CBFA2T2: variants seen among roughly 807,000 people sequenced by gnomAD.
The protein encoded by CBFA2T2 is CBFA2/RUNX1 partner transcriptional co-repressor 2.
A neutral mutation model predicts 62.2 loss-of-function variants in CBFA2T2; 11 were observed. That is an observed-to-expected ratio of 0.18 (90% CI 0.11 to 0.29). The LOEUF is 0.29. CBFA2T2 is among the 10% of genes least tolerant of loss of function. The probability of loss-of-function intolerance (pLI) is 1.00; values close to 1 mark genes in which losing one functional copy is unlikely to be tolerated. For missense variants in CBFA2T2, 592 were observed against 774.1 expected, an observed-to-expected ratio of 0.76 and a Z score of 2.79; for synonymous variants, 295 against 287.5, an observed-to-expected ratio of 1.03 and a Z score of -0.27.
Position 33,640,405 on chromosome 20 carries a change from A to C in CBFA2T2, c.1362A>C (p.Ala454=). 6.2e-7 allele frequency: 1 copy of C among 1,614,278 alleles called. No individual in the cohort carries two copies. The highest frequency in any genetic ancestry group is 8.5e-7 in the Non-Finnish European group (1 of 1,180,044). ...AAGTACAGAAGGCCGTCGCTGAGGC[A>C]GAGCAGAAAGCCTTTGAAGTGATTG... is the stretch of plus-strand genomic sequence containing the variant. ...MSEVQKAVAE[A]EQKAFEVIAT... The change falls in exon 10 of 11, where the codon GCA becomes GCC. Residue 454 remains alanine, a synonymous_variant. Transcript: ENST00000342704.
intron 1 of CBFA2T2, among the ~76,000 whole-genome samples, chr20:33,499,468 TA>T (rs2011243739): frequency 6.6e-6 from 1 of 152,236 alleles, no homozygotes; most frequent in African/African-American, 2.4e-5. Flanking sequence ...CGACATGAGC[TA>T]GTGTTTGTAC....
At chr20:33,539,833 C>T (rs148875699) in intron 1 of CBFA2T2, among the ~76,000 whole-genome samples, 11 of 151,888 alleles carry the variant, frequency 7.2e-5, no homozygotes, top group Non-Finnish European at 1.2e-4. Context: ...ACTATAGGTG[C>T]GTACCACCAT....
chr20:33,592,042 T>G (rs2014668983), intron 1 of CBFA2T2, among the ~76,000 whole-genome samples: 1 of 152,072 alleles, frequency 6.6e-6, no homozygotes, highest in South Asian at 2.1e-4. Flanking sequence ...AGTGGATTGA[T>G]AACAAGTGTT....
intron 1 of CBFA2T2, among the ~76,000 whole-genome samples, chr20:33,556,646 G>T (rs1240490832): frequency 2.6e-5 from 4 of 151,860 alleles, no homozygotes; most frequent in African/African-American, 9.7e-5. Context: ...TGTTGCCCAA[G>T]CAGATTTTGA....
intron 3 of CBFA2T2, 69 bp from the exon 4 acceptor site, chr20:33,619,448 G>T: frequency 4.6e-5 from 27 of 583,198 alleles, no homozygotes; most frequent in Non-Finnish European, 6.8e-5. Flanking sequence ...AAAAAAAAAA[G>T]AAGAGTTTGG....
chr20:33,621,965 C>T (rs980348927), intron 4 of CBFA2T2, among the ~76,000 whole-genome samples: 2 of 152,180 alleles, frequency 1.3e-5, no homozygotes, highest in African/African-American at 4.8e-5. Context: ...TTCCCCAAGA[C>T]TCTAGAATCA....
chr20:33,516,442 C>A lies in CBFA2T2; in HGVS notation c.34+26141C>A, dbSNP rs555124443. ...CTGAGAGCGTGCCACTGCACTCCAG[C>A]CTGAGCAACAGAGTGAGACTCCATC... On this transcript the variant is annotated intron_variant, in intron 1 of 10. Coordinates refer to ENST00000342704, the MANE Select transcript of CBFA2T2 (RefSeq NM_001032999.3). 6.6e-5 allele frequency among the ~76,000 whole-genome samples: 10 copies of A among 152,288 alleles called. No homozygotes were observed. In the South Asian group the frequency reaches 2.1e-3, roughly 32 times the overall value.
rs373934714 is a variant in CBFA2T2 at position 33,535,532 on chromosome 20, G to T, written c.34+45231G>T. ...TAAGAACCAGCTCAGTGGCTTAGCT[G>T]TCCTGGGGTCTGCAGGAGAAGGCTT... is the stretch of plus-strand genomic sequence containing the variant. On this transcript the variant is annotated intron_variant, in intron 1 of 10. Transcript: ENST00000342704. 2.1e-4 allele frequency among the ~76,000 whole-genome samples: 32 copies of T among 151,204 alleles called. No homozygotes were observed. In the South Asian group the frequency reaches 2.3e-3, roughly 11 times the overall value.
chr20:33,609,483 CAG>C (rs1219978147), intron 2 of CBFA2T2, among the ~76,000 whole-genome samples: 3 of 151,942 alleles, frequency 2.0e-5, no homozygotes, highest in Non-Finnish European at 2.9e-5. Context: ...GCCTGGGAAA[CAG>C]AGCAAGACTC....
chr20:33,603,913 C>T (rs1226734425), intron 1 of CBFA2T2, among the ~76,000 whole-genome samples: 17 of 152,170 alleles, frequency 1.1e-4, no homozygotes, highest in Non-Finnish European at 1.5e-5. Context: ...CCTGTGACCC[C>T]AGGCAGAGGG....
chr20:33,530,538 C>T (rs1391091374), intron 1 of CBFA2T2, among the ~76,000 whole-genome samples: 1 of 152,094 alleles, frequency 6.6e-6, no homozygotes, highest in Non-Finnish European at 1.5e-5. Flanking sequence ...CTGCTTCAGC[C>T]CCCCAGGTAG....
Position 33,644,835 on chromosome 20 carries a change from T to C in CBFA2T2, c.*189T>C. On this transcript the variant is annotated 3_prime_UTR_variant, in exon 11 of 11. Transcript: ENST00000342704. ...GTGCACTTGCTGTCTGCGGAGCCAG[T>C]GTGCCATTCTCTGCACATGGGCAGC... The C allele has an allele frequency of 1.6e-6, 1 of 637,872 alleles. No individual in the cohort carries two copies. Among genetic ancestry groups the C allele is most frequent in the Non-Finnish European group, 2.6e-6 (1 of 381,282 alleles). 39.5% of individuals were successfully genotyped at this position (637,872 alleles called of 1,614,324 possible).
chr20:33,510,978 G>T (rs936879644), intron 1 of CBFA2T2, among the ~76,000 whole-genome samples: 1 of 151,976 alleles, frequency 6.6e-6, no homozygotes, highest in Non-Finnish European at 1.5e-5. Flanking sequence ...GTTTTGATGG[G>T]GTTGTTTGTT....
intron 8 of CBFA2T2, among the ~76,000 whole-genome samples, chr20:33,634,670 CAAAAAAAAAAAA>C (rs758089440): frequency 1.9e-4 from 9 of 47,924 alleles, no homozygotes; most frequent in South Asian, 1.0e-3. Context: ...ACCCTATGTC[CAAAAAAAAAAAA>C]AAAAAAAAAA....
intron 1 of CBFA2T2, among the ~76,000 whole-genome samples, chr20:33,504,721 A>G (rs2011371847): frequency 6.6e-6 from 1 of 152,018 alleles, no homozygotes; most frequent in African/African-American, 2.4e-5. Flanking sequence ...ACTTTTTTGG[A>G]AACTGCCAAA....
chr20:33,640,994 T>A (rs2122391981), intron 10 of CBFA2T2, among the ~76,000 whole-genome samples: 1 of 151,860 alleles, frequency 6.6e-6, no homozygotes, highest in East Asian at 1.9e-4. Context: ...GGTGCTGAAG[T>A]CAGGATACAG....
At chr20:33,592,376 A>ATAT (rs2014688303) in intron 1 of CBFA2T2, among the ~76,000 whole-genome samples, 1 of 122,710 alleles carries the variant, frequency 8.1e-6, no homozygotes. Flanking sequence ...AAAAAATTTT[A>ATAT]TATATATATA....
At chr20:33,642,098 CCTTT>C (rs890350605) in intron 10 of CBFA2T2, among the ~76,000 whole-genome samples, 9 of 135,464 alleles carry the variant, frequency 6.6e-5, no homozygotes, top group African/African-American at 1.6e-4. Flanking sequence ...CTCTCCTCCT[CCTTT>C]GTCTTTTTTT....
In CBFA2T2 at chr20:33,594,229, T is replaced by C. The variant is rs1159368369; in HGVS notation, c.35-12727T>C. 3.9e-5 allele frequency among the ~76,000 whole-genome samples: 6 copies of C among 152,160 alleles called. No homozygotes were observed. In the East Asian group the frequency reaches 1.2e-3, roughly 29 times the overall value. ...AATTTACTGCTATATTTCTTTCTTT[T>C]CTTTTTTTTTGAGACGGAGTCTCAC... On this transcript the variant is annotated intron_variant, in intron 1 of 10. Transcript: ENST00000342704.
Sources: gnomAD v4.1 joint callset for allele counts (sites outside exome capture counted in the v4.1 genomes callset) on GRCh38, gnomAD v4.1.1 for gene constraint, MANE v1.5 for transcripts, NCBI Gene and HGNC (gene_info 2026-07-23, HGNC 2026-07-21) for gene names.